INPP4B: variants seen among roughly 807,000 people sequenced by gnomAD.
INPP4B encodes inositol polyphosphate-4-phosphatase type II B.
Under a neutral mutation model 122.5 loss-of-function variants are expected in INPP4B, and 55 were observed. The ratio of observed to expected loss-of-function variants is 0.45; its 90% CI spans 0.36 to 0.56. The LOEUF (loss-of-function observed/expected upper bound fraction) is 0.56. Among genes scored for constraint, INPP4B ranks in the 20% least tolerant of loss-of-function variants. INPP4B has a pLI of 0.00. For missense variants in INPP4B, 1,000 were observed against 1,097.7 expected, an observed-to-expected ratio of 0.91 and a Z score of 1.26; for synonymous variants, 403 against 388.7, an observed-to-expected ratio of 1.04 and a Z score of -0.43.
chr4:142,260,479 C>A lies in INPP4B; in HGVS notation c.688+13G>T. 1 of 1,530,014 alleles carries A rather than the reference C, an allele frequency of 6.5e-7. No homozygotes were observed. Among genetic ancestry groups the A allele is most frequent in the Admixed American group, 1.7e-5 (1 of 57,608 alleles). The allele number at this position is 1,530,014 out of a possible 1,614,324, so 94.8% of individuals were successfully genotyped here. A position where few individuals can be genotyped will look rare whatever the true frequency, so the allele number is the denominator to read the frequency against. ...TTTGCATGAAACTAAGTATTTAAAA[C>A]TGAGTTACATACCTGAATTCAAAAA... On this transcript the variant is annotated intron_variant, in intron 11 of 25. Coordinates refer to ENST00000262992, the MANE Select transcript of INPP4B (RefSeq NM_001101669.3).
chr4:142,160,599 A>G, intron 16 of INPP4B, 38 bp from the exon 17 acceptor site: 1 of 1,489,348 alleles, frequency 6.7e-7, no homozygotes, highest in Non-Finnish European at 9.2e-7. Flanking sequence ...ACACCTTGGT[A>G]GGCATCTCAG....
intron 12 of INPP4B, among the ~76,000 whole-genome samples, chr4:142,220,247 GACAAGATTAGAGGCTCCC>G (rs1848834469): frequency 6.6e-6 from 1 of 152,088 alleles, no homozygotes. Context: ...TGAACAGAAG[GACAAGATTAGAGGCTCCC>G]ACCTGAGGGA....
chr4:142,039,893 T>G (rs969751231), intron 25 of INPP4B, among the ~76,000 whole-genome samples: 3 of 151,224 alleles, frequency 2.0e-5, no homozygotes, highest in South Asian at 4.2e-4. Flanking sequence ...TATTTTGCTG[T>G]TTTTTTTTCT....
chr4:142,160,205 A>T (rs1819402713), intron 17 of INPP4B, among the ~76,000 whole-genome samples, 153 bp downstream of exon 17: 1 of 152,016 alleles, frequency 6.6e-6, no homozygotes. Context: ...CCAAAAAAAA[A>T]TTGCCCCTAA....
At chr4:142,453,104 A>C (rs963249000) in intron 3 of INPP4B, among the ~76,000 whole-genome samples, 1 of 152,290 alleles carries the variant, frequency 6.6e-6, no homozygotes, top group East Asian at 1.9e-4. Flanking sequence ...GACTTCTAGC[A>C]TCCTATCTCA....
At chr4:142,047,409 C>T (rs992415179) in intron 25 of INPP4B, among the ~76,000 whole-genome samples, 1 of 151,926 alleles carries the variant, frequency 6.6e-6, no homozygotes. Context: ...TTTTCCCTGA[C>T]TTTTTTGTTT....
At chr4:142,335,919 C>T (rs746967370) in intron 7 of INPP4B, among the ~76,000 whole-genome samples, 1 of 152,196 alleles carries the variant, frequency 6.6e-6, no homozygotes, top group Non-Finnish European at 1.5e-5. Context: ...AGCCTGAAAA[C>T]CAGGCTGAGG....
chr4:142,579,892 TA>T (rs1734691034), intron 2 of INPP4B, among the ~76,000 whole-genome samples: 1 of 141,104 alleles, frequency 7.1e-6, no homozygotes, highest in South Asian at 2.2e-4. Context: ...GATAGATAGA[TA>T]GATAGATAGA....
chr4:142,402,977 T>C lies in INPP4B; in HGVS notation c.333A>G (p.Lys111=). Residue 111 remains lysine, a synonymous_variant, in exon 7 of 26, where the codon AAA becomes AAG. Transcript: ENST00000262992. Reference sequence around the variant, plus strand: ...TATCCTTGACATCATAGACTGTTAGTTTTATTTTGGTCTCCTCATAGATGG... The same window carrying C: ...TATCCTTGACATCATAGACTGTTAGCTTTATTTTGGTCTCCTCATAGATGG... ...EYPIYEETKI[K]LTVYDVKDKS... The C allele has an allele frequency of 6.2e-7, 1 of 1,601,394 alleles. No homozygotes were observed. The highest frequency in any genetic ancestry group is 8.6e-7 in the Non-Finnish European group (1 of 1,168,444).
At chr4:142,609,948 C>G (rs2150333001) in intron 2 of INPP4B, among the ~76,000 whole-genome samples, 1 of 152,244 alleles carries the variant, frequency 6.6e-6, no homozygotes, top group Non-Finnish European at 1.5e-5. Context: ...ATAATTTGCA[C>G]TGGTGGATAT....
chr4:142,683,604 G>A (rs1188573087), intron 2 of INPP4B, among the ~76,000 whole-genome samples: 2 of 151,282 alleles, frequency 1.3e-5, no homozygotes, highest in African/African-American at 2.4e-5. Flanking sequence ...ATCTTGCATA[G>A]GTTTCTTAAG....
chr4:142,380,213 T>C (rs1225211301), intron 7 of INPP4B, among the ~76,000 whole-genome samples: 1 of 152,236 alleles, frequency 6.6e-6, no homozygotes, highest in Non-Finnish European at 1.5e-5. Flanking sequence ...TGCTCCTACA[T>C]GCTGTTGCAG....
intron 12 of INPP4B, among the ~76,000 whole-genome samples, chr4:142,231,828 C>A (rs10024733): frequency 6.6e-6 from 1 of 151,812 alleles, no homozygotes; most frequent in Non-Finnish European, 1.5e-5. Flanking sequence ...TGTTTCAAAT[C>A]GGGATTTAAA....
chr4:142,183,287 A>C (rs901985389), intron 15 of INPP4B, among the ~76,000 whole-genome samples: 1 of 152,196 alleles, frequency 6.6e-6, no homozygotes, highest in Non-Finnish European at 1.5e-5. Flanking sequence ...AAGCCAATCC[A>C]TCTTCCTTCT....
At chr4:142,094,022 C>T (rs974649172) in intron 23 of INPP4B, among the ~76,000 whole-genome samples, 13 of 152,074 alleles carry the variant, frequency 8.5e-5, no homozygotes, top group Non-Finnish European at 1.8e-4. Context: ...GAGAAGAATA[C>T]GACGATAACA....
intron 2 of INPP4B, among the ~76,000 whole-genome samples, chr4:142,543,886 G>A (rs1389312203): frequency 2.0e-5 from 3 of 152,050 alleles, no homozygotes; most frequent in Non-Finnish European, 4.4e-5. Flanking sequence ...AGATATCAAA[G>A]TAAGTACAGG....
chr4:142,331,058 C>G (rs933524949), intron 7 of INPP4B, among the ~76,000 whole-genome samples: 2 of 152,190 alleles, frequency 1.3e-5, no homozygotes, highest in Non-Finnish European at 2.9e-5. Context: ...TAATGTTGCT[C>G]TTTATTTGCA....
At chr4:142,643,764 T>C (rs1751091662) in intron 2 of INPP4B, among the ~76,000 whole-genome samples, 1 of 152,192 alleles carries the variant, frequency 6.6e-6, no homozygotes, top group South Asian at 2.1e-4. Context: ...GAGGATTTCA[T>C]ACAATTTTAA....
chr4:142,638,732 G>T (rs553642937), intron 2 of INPP4B, among the ~76,000 whole-genome samples: 1 of 151,792 alleles, frequency 6.6e-6, no homozygotes, highest in Non-Finnish European at 1.5e-5. Flanking sequence ...TTTTTCAGTG[G>T]AGACGGGGTT....
Sources: gnomAD v4.1 joint callset for allele counts (sites outside exome capture counted in the v4.1 genomes callset) on GRCh38, gnomAD v4.1.1 for gene constraint, MANE v1.5 for transcripts, NCBI Gene and HGNC (gene_info 2026-07-23, HGNC 2026-07-21) for gene names.